The following TMEM132B variants were observed in gnomAD, a reference collection of about 807,000 sequenced individuals.
The protein encoded by TMEM132B is transmembrane protein 132B.
In TMEM132B, 18 loss-of-function variants were observed where a neutral mutation model predicts 90.8. That is an observed-to-expected ratio of 0.20 (90% confidence interval 0.14 to 0.29). TMEM132B has a LOEUF of 0.29. Ranked by LOEUF, TMEM132B falls within the 10% of genes least tolerant of loss-of-function variation. TMEM132B has a pLI of 1.00. For synonymous variants in TMEM132B, 504 were observed against 523.3 expected (o/e 0.96, Z 0.50); for missense variants, 1,096 against 1,326.8 (o/e 0.83, Z 2.70).
At chr12:125,652,159 T>G (rs979599614) in intron 7 of TMEM132B, among the ~76,000 whole-genome samples, 3 of 152,190 alleles carry the variant, frequency 2.0e-5, no homozygotes, top group Non-Finnish European at 4.4e-5. Flanking sequence ...AATGGACAGT[T>G]TTTTATTATT....
intron 1 of TMEM132B, among the ~76,000 whole-genome samples, chr12:125,298,398 G>T (rs1312583863): frequency 6.6e-6 from 1 of 151,226 alleles, no homozygotes; most frequent in Non-Finnish European, 1.5e-5. Flanking sequence ...CATCGGCAGG[G>T]CATGGTGGCT....
In TMEM132B at chr12:125,415,422, G is replaced by A. The variant is rs1045575836; in HGVS notation, c.960-109G>A. On this transcript the variant is annotated intron_variant, in intron 2 of 8. Coordinates refer to ENST00000682704, the MANE Select transcript of TMEM132B (RefSeq NM_001366854.1). This position sits in a 1 kb window ranked among gnomAD's most constrained non-coding sequence, Gnocchi z 5.3. ...CCCACATCTCCCAGAGGAAGGGGGCGATGTTACAGATGCTTTCCCAGTGAT... is the reference window on the plus strand; with the variant it reads ...CCCACATCTCCCAGAGGAAGGGGGCAATGTTACAGATGCTTTCCCAGTGAT... The A allele has an allele frequency of 1.3e-5, 17 of 1,334,846 alleles. No homozygotes were observed. The African/African-American group carries it at 2.4e-4, about 19-fold the overall frequency. 82.7% of individuals were successfully genotyped at this position (1,334,846 alleles called of 1,614,324 possible). A position where few individuals can be genotyped will look rare whatever the true frequency, so the allele number is the denominator to read the frequency against.
Position 125,478,969 on chromosome 12 carries a change from A to G in TMEM132B, c.1107-40470A>G, listed in dbSNP as rs183628063. 4.9e-4 allele frequency among the ~76,000 whole-genome samples: 75 copies of G among 152,374 alleles called. 2 individuals are homozygous for G. In the East Asian group the frequency reaches 0.014, roughly 29 times the overall value. ...GGGGGCCAATATTCAACATTCTTAA[A>G]GAAAAGAATTTTCAACCCAGAATTT... is the stretch of plus-strand genomic sequence containing the variant. On this transcript the variant is annotated intron_variant, in intron 3 of 8. Transcript: ENST00000682704.
chr12:125,241,551 C>A (rs1008538510), intron 1 of TMEM132B, among the ~76,000 whole-genome samples: 1 of 152,172 alleles, frequency 6.6e-6, no homozygotes, highest in Admixed American at 6.5e-5. Flanking sequence ...TTCCCTCTTT[C>A]CTCTCACTCT....
At chr12:125,535,997 A>G (rs1320400565) in intron 4 of TMEM132B, among the ~76,000 whole-genome samples, 1 of 152,206 alleles carries the variant, frequency 6.6e-6, no homozygotes, top group Admixed American at 6.5e-5. Flanking sequence ...GAATTCCCCC[A>G]TGAAAAGCAG....
At chr12:125,557,525 A>G (rs956099279) in intron 4 of TMEM132B, among the ~76,000 whole-genome samples, 1 of 152,146 alleles carries the variant, frequency 6.6e-6, no homozygotes, top group African/African-American at 2.4e-5. Context: ...ATCTATTATC[A>G]CTAATCTATC....
At chr12:125,210,178 G>A (rs955029433) in intron 1 of TMEM132B, among the ~76,000 whole-genome samples, 96 of 152,310 alleles carry the variant, frequency 6.3e-4, no homozygotes, top group African/African-American at 2.3e-3. Flanking sequence ...TGGGTGTGGG[G>A]TAGGGAGATG....
chr12:125,644,312 G>A (rs759031963), intron 6 of TMEM132B, 31 bp downstream of exon 6: 22 of 1,609,376 alleles, frequency 1.4e-5, no homozygotes, highest in East Asian at 8.9e-5. Flanking sequence ...CTGTGGATCC[G>A]ATTGTCCTGG....
At position 125,650,950 on chromosome 12, in the gene TMEM132B, G is replaced by A. The variant is rs762332194; in HGVS notation, c.1911G>A (p.Val637=). The A allele has an allele frequency of 2.1e-5, 34 of 1,612,006 alleles. No individual in the cohort carries two copies. The Admixed American group carries it at 4.7e-4, about 22-fold the overall frequency. ...GTCGGGAGCCGGGAATAACCACGGT[G>A]CAGGTACACGCCGCCATGCCTTGCC... is the stretch of plus-strand genomic sequence containing the variant. The part of the protein sequence containing the change: ...LAGREPGITT[V]QVLSPLSDSI... Residue 637 remains valine (V), a synonymous_variant, in exon 7 of 9, where the codon GTG becomes GTA. Coordinates refer to ENST00000682704, the MANE Select transcript of TMEM132B (RefSeq NM_001366854.1).
chr12:125,411,830 A>G (rs1879855662), intron 2 of TMEM132B, among the ~76,000 whole-genome samples: 1 of 152,150 alleles, frequency 6.6e-6, no homozygotes, highest in Non-Finnish European at 1.5e-5. Context: ...AAGGGGAAGC[A>G]GTCCGATGGT....
At position 125,345,793 on chromosome 12, in the gene TMEM132B, G is replaced by A. The variant is rs554455508; in HGVS notation, c.68-3659G>A. The stretch of plus-strand genomic sequence containing the variant: ...ATTTCCTGCTCTCAGGGCCCACCTC[G>A]TTCTGTCCAGTGGTAAATACCTCTC... On this transcript the variant is annotated intron_variant, in intron 1 of 8. Coordinates refer to ENST00000682704, the MANE Select transcript of TMEM132B (RefSeq NM_001366854.1). 1.0e-3 allele frequency among the ~76,000 whole-genome samples: 157 copies of A among 152,208 alleles called. 3 individuals are homozygous for A. Among genetic ancestry groups the A allele is most frequent in the African/African-American group, 3.5e-3 (147 of 41,518 alleles).
At chr12:125,247,684 T>A (rs1874235417) in intron 1 of TMEM132B, among the ~76,000 whole-genome samples, 1 of 152,084 alleles carries the variant, frequency 6.6e-6, no homozygotes, top group East Asian at 1.9e-4. Context: ...AGCAGCCCCC[T>A]GACCAATTAG....
In TMEM132B at chr12:125,519,620, G is replaced by A; in HGVS notation, c.1288G>A (p.Ala430Thr). ...QTTFVGIVPL[A>T]MDTEVLNTAI... ...AACCTTCGTGGGCATCGTCCCTCTT[G>A]CCATGGTGAGGAATCTGGGGGTTTC... Residue 430 changes from alanine to threonine, a missense_variant, in exon 4 of 9, where the codon GCC (alanine) becomes ACC (threonine). Transcript: ENST00000682704. The A allele has an allele frequency of 6.2e-7, 1 of 1,613,834 alleles. No individual in the cohort carries two copies. Among genetic ancestry groups the A allele is most frequent in the Non-Finnish European group, 8.5e-7 (1 of 1,179,962 alleles).
At chr12:125,524,862 GAGAC>G (rs1457031950) in intron 4 of TMEM132B, among the ~76,000 whole-genome samples, 2 of 152,186 alleles carry the variant, frequency 1.3e-5, no homozygotes, top group Non-Finnish European at 2.9e-5. Flanking sequence ...TGAAGAGAGA[GAGAC>G]AGAATCACAG....
At chr12:125,506,262 G>A (rs544737610) in intron 3 of TMEM132B, among the ~76,000 whole-genome samples, 7 of 152,246 alleles carry the variant, frequency 4.6e-5, no homozygotes, top group South Asian at 2.1e-4. Flanking sequence ...GAAAGAAGCC[G>A]GATACAAATT....
chr12:125,336,685 A>G (rs1876972570), intron 1 of TMEM132B, among the ~76,000 whole-genome samples: 1 of 152,204 alleles, frequency 6.6e-6, no homozygotes, highest in African/African-American at 2.4e-5. Context: ...GGGTTACCTC[A>G]TGGTGTGTCC....
Position 125,653,906 on chromosome 12 carries a change from A to T in TMEM132B, c.2448A>T (p.Lys816Asn), listed in dbSNP as rs767898261. 6.2e-6 allele frequency: 10 copies of T among 1,614,056 alleles called. No individual in the cohort carries two copies. Among genetic ancestry groups the T allele is most frequent in the Non-Finnish European group, 7.6e-6 (9 of 1,180,048 alleles). Residue 816 changes from lysine to asparagine, a missense_variant, in exon 9 of 9, where the codon AAA becomes AAT. Lys to Asn is a moderately conservative substitution (Grantham distance 94, BLOSUM62 0). Transcript: ENST00000682704. ...TTGAGGGCATAAATCGGGAATATAA[A>T]GACCACCTCAGTAATTCCATAGAGC... ...NDIEGINREY[K>N]DHLSNSIERE... is the part of the protein sequence containing the mutation.
intron 5 of TMEM132B, among the ~76,000 whole-genome samples, chr12:125,604,666 G>A (rs950007678): frequency 2.0e-5 from 3 of 152,164 alleles, no homozygotes; most frequent in South Asian, 2.1e-4. Flanking sequence ...TCCACAAGGT[G>A]CAATATGAAT....
At chr12:125,298,954 C>T (rs1334236553) in intron 1 of TMEM132B, among the ~76,000 whole-genome samples, 6 of 151,864 alleles carry the variant, frequency 4.0e-5, no homozygotes, top group Non-Finnish European at 7.4e-5. Context: ...GGGATGGTCT[C>T]AATCTCCTGA....
Sources: allele counts gnomAD v4.1 joint callset (sites outside exome capture counted in the v4.1 genomes callset), GRCh38; gene constraint gnomAD v4.1.1; non-coding constraint Gnocchi (gnomAD v3.1); transcripts MANE v1.5; gene names NCBI Gene and HGNC (gene_info 2026-07-23, HGNC 2026-07-21).